Variants in VPS41 observed in about 807,000 individuals in gnomAD.
The protein encoded by VPS41 is vacuolar protein sorting-associated protein 41 homolog.
In VPS41, 85 loss-of-function variants were observed where a neutral mutation model predicts 130.9. The observed-to-expected ratio is 0.65, with a 90% CI of 0.55 to 0.78. The LOEUF (loss-of-function observed/expected upper bound fraction) is 0.78. VPS41 is among the 30% of genes least tolerant of loss of function. The probability of loss-of-function intolerance (pLI) is 0.00; values close to 1 mark genes in which losing one functional copy is unlikely to be tolerated. For synonymous variants in VPS41, 335 were observed against 332.9 expected (o/e 1.01, Z -0.07); for missense variants, 874 against 1,018.7 (o/e 0.86, Z 1.93).
intron 1 of VPS41, among the ~76,000 whole-genome samples, chr7:38,906,027 C>G (rs988399031): frequency 3.3e-5 from 5 of 151,852 alleles, no homozygotes; most frequent in African/African-American, 1.2e-4. Flanking sequence ...AACTCCTGAC[C>G]TCAGGTGATC....
intron 3 of VPS41, among the ~76,000 whole-genome samples, chr7:38,863,862 G>A (rs1005098305): frequency 6.6e-6 from 1 of 152,208 alleles, no homozygotes; most frequent in Non-Finnish European, 1.5e-5. Context: ...TTGGGCGCTG[G>A]AAGGGAAAGG....
At chr7:38,750,680 G>T (rs3801146) in intron 22 of VPS41, among the ~76,000 whole-genome samples, 100,236 of 152,002 alleles carry the variant, frequency 0.66, 33,995 homozygotes, top group Admixed American at 0.79. Flanking sequence ...GTGAAGCAGG[G>T]TGTCTTCCAC....
chr7:38,882,713 C>T (rs1354419293), intron 2 of VPS41, among the ~76,000 whole-genome samples: 1 of 152,212 alleles, frequency 6.6e-6, no homozygotes, highest in Non-Finnish European at 1.5e-5. Context: ...AATTGCTCAT[C>T]CTTGACTGTT....
chr7:38,774,610 CA>C (rs1344746428), intron 11 of VPS41, among the ~76,000 whole-genome samples: 4 of 151,768 alleles, frequency 2.6e-5, no homozygotes, highest in African/African-American at 4.8e-5. Context: ...ATAAAAATAT[CA>C]AAATCAGAAT....
chr7:38,851,992 A>G (rs1404195618), intron 4 of VPS41, among the ~76,000 whole-genome samples: 1 of 152,218 alleles, frequency 6.6e-6, no homozygotes, highest in Admixed American at 6.5e-5. Flanking sequence ...TCTTAATAGA[A>G]GTATAAAATA....
intron 6 of VPS41, among the ~76,000 whole-genome samples, chr7:38,819,900 G>A (rs907050655): frequency 2.0e-5 from 3 of 151,976 alleles, no homozygotes; most frequent in Admixed American, 1.3e-4. Flanking sequence ...TGGTTATCAC[G>A]TTTGTGTTTA....
At chr7:38,810,237 G>T (rs1002857817) in intron 7 of VPS41, among the ~76,000 whole-genome samples, 3 of 151,998 alleles carry the variant, frequency 2.0e-5, no homozygotes, top group Admixed American at 2.0e-4. Context: ...TAAAATAAAA[G>T]TTTATGCCAG....
chr7:38,843,155 G>A (rs1785645834), intron 4 of VPS41, among the ~76,000 whole-genome samples: 1 of 152,126 alleles, frequency 6.6e-6, no homozygotes, highest in South Asian at 2.1e-4. Context: ...GGATGATAAA[G>A]CCTCAATTAA....
intron 17 of VPS41, among the ~76,000 whole-genome samples, chr7:38,761,664 T>C (rs969810233): frequency 3.3e-5 from 5 of 151,940 alleles, no homozygotes; most frequent in Non-Finnish European, 7.4e-5. Context: ...TGATCACAGC[T>C]CACTGCAGCC....
At chr7:38,733,191 T>C (rs1223076001) in intron 25 of VPS41, among the ~76,000 whole-genome samples, 1 of 152,254 alleles carries the variant, frequency 6.6e-6, no homozygotes, top group Non-Finnish European at 1.5e-5. Flanking sequence ...GCCTTTATTG[T>C]AGCTATACAT....
At chr7:38,780,180 G>T (rs1326019817) in intron 10 of VPS41, among the ~76,000 whole-genome samples, 19 of 126,754 alleles carry the variant, frequency 1.5e-4, no homozygotes, top group East Asian at 3.1e-4. Context: ...TTTTTTTTTT[G>T]GTTTTTGTTT....
At chr7:38,906,351 T>A (rs574181695) in intron 1 of VPS41, among the ~76,000 whole-genome samples, 3 of 152,128 alleles carry the variant, frequency 2.0e-5, no homozygotes, top group Non-Finnish European at 4.4e-5. Context: ...TGTTTGTTTT[T>A]CGTTTTTTTT....
chr7:38,731,232 T>C (rs1185666245), intron 25 of VPS41, among the ~76,000 whole-genome samples: 1 of 152,196 alleles, frequency 6.6e-6, no homozygotes, highest in Non-Finnish European at 1.5e-5. Flanking sequence ...TAATAATGTG[T>C]AGGCAATTAA....
chr7:38,752,370 C>T (rs1783694754), intron 21 of VPS41, 57 bp from the exon 22 acceptor site: 1 of 1,602,856 alleles, frequency 6.2e-7, no homozygotes, highest in Non-Finnish European at 8.5e-7. Flanking sequence ...CAATACCTGG[C>T]TAACATTGCT....
In VPS41 at chr7:38,796,725, G is replaced by T; in HGVS notation, c.570+20C>A. The T allele has an allele frequency of 1.2e-6, 2 of 1,613,368 alleles. No homozygotes were observed. The highest frequency in any genetic ancestry group is 1.7e-6 in the Non-Finnish European group (2 of 1,179,536). On this transcript the variant is annotated intron_variant, in intron 8 of 28. Transcript: ENST00000310301. Reference sequence around the variant, plus strand: ...TCTGCCACTGAACAAGCATTAGGAAGACAGAGGCATATTTTTTACCATATT... The same window carrying T: ...TCTGCCACTGAACAAGCATTAGGAATACAGAGGCATATTTTTTACCATATT...
chr7:38,797,205 A>G (rs1048480497), intron 7 of VPS41, among the ~76,000 whole-genome samples: 2 of 152,236 alleles, frequency 1.3e-5, no homozygotes, highest in Admixed American at 6.5e-5. Context: ...CCGGGAACTA[A>G]TTTATTTTGT....
intron 5 of VPS41, among the ~76,000 whole-genome samples, chr7:38,829,688 G>A (rs903783923): frequency 6.6e-6 from 1 of 152,194 alleles, no homozygotes; most frequent in South Asian, 2.1e-4. Context: ...CACAAATGAT[G>A]TATGTCCTTG....
rs536064734 is a variant in VPS41, at chr7:38,797,344, G to A, written c.451-480C>T. ...ATAATTGAACAATGACTTTTGAACA[G>A]TAATTCATGTCACAAAATAAAAAAA... On this transcript the variant is annotated intron_variant, in intron 7 of 28. Coordinates refer to ENST00000310301, the MANE Select transcript of VPS41 (RefSeq NM_014396.4). Among the ~76,000 whole-genome samples, 5 of 152,128 alleles carry A rather than the reference G, an allele frequency of 3.3e-5. No individual in the cohort carries two copies. The East Asian group carries it at 9.6e-4, about 29-fold the overall frequency.
chr7:38,899,550 T>C (rs1388293651), intron 1 of VPS41, among the ~76,000 whole-genome samples: 2 of 152,240 alleles, frequency 1.3e-5, no homozygotes, highest in Non-Finnish European at 2.9e-5. Context: ...TAGTCCACTT[T>C]AACATTAACA....
Sources: allele counts gnomAD v4.1 joint callset (sites outside exome capture counted in the v4.1 genomes callset), GRCh38; gene constraint gnomAD v4.1.1; transcripts MANE v1.5; gene names NCBI Gene and HGNC (gene_info 2026-07-23, HGNC 2026-07-21).